The following ADCY9 variants were observed in gnomAD, a reference collection of about 807,000 sequenced individuals.
ADCY9 encodes adenylate cyclase 9.
In ADCY9, 50 loss-of-function variants were observed where a neutral mutation model predicts 101.5. The ratio of observed to expected loss-of-function variants is 0.49; its 90% CI spans 0.39 to 0.62. The LOEUF (loss-of-function observed/expected upper bound fraction) is 0.62. Among genes scored for constraint, ADCY9 ranks in the 20% least tolerant of loss-of-function variants. The probability of loss-of-function intolerance (pLI) is 0.00; values close to 1 mark genes in which losing one functional copy is unlikely to be tolerated. For missense variants in ADCY9, 1,662 were observed against 1,800.4 expected (o/e 0.92, Z 1.39); for synonymous variants, 905 against 769.3 (o/e 1.18, Z -2.92).
chr16:3,965,566 G>A lies in ADCY9; in HGVS notation c.*209C>T. 1.7e-6 allele frequency: 1 copy of A among 603,004 alleles called. No individual in the cohort carries two copies. Among genetic ancestry groups the A allele is most frequent in the South Asian group, 2.1e-5 (1 of 47,910 alleles). The allele number at this position is 603,004 out of a possible 1,614,324, so 37.4% of individuals were successfully genotyped here. A position where few individuals can be genotyped will look rare whatever the true frequency, so the allele number is the denominator to read the frequency against. Reference sequence around the variant, plus strand: ...GTGCTGAACGGATGACCCAGAGGCAGCGGGGTTTCCAGGGAAGGGAGCGAA... The same window carrying A: ...GTGCTGAACGGATGACCCAGAGGCAACGGGGTTTCCAGGGAAGGGAGCGAA... On this transcript the variant is annotated 3_prime_UTR_variant, in exon 11 of 11. Transcript: ENST00000294016.
intron 3 of ADCY9, among the ~76,000 whole-genome samples, chr16:3,999,886 C>T (rs983051719): frequency 2.0e-5 from 3 of 152,184 alleles, no homozygotes; most frequent in African/African-American, 7.2e-5. Context: ...GCTATAAAAT[C>T]GTTTTTTCTT....
chr16:3,971,229 G>A (rs570548641), intron 10 of ADCY9, among the ~76,000 whole-genome samples: 1 of 152,192 alleles, frequency 6.6e-6, no homozygotes, highest in East Asian at 1.9e-4. Context: ...CACTGCTGGA[G>A]GAATTAAGCC....
At chr16:4,046,536 G>A (rs2056666173) in intron 2 of ADCY9, among the ~76,000 whole-genome samples, 1 of 152,182 alleles carries the variant, frequency 6.6e-6, no homozygotes, top group Non-Finnish European at 1.5e-5. Context: ...AGCAGGCTGG[G>A]AGTAGCTTAG....
At position 4,049,684 on chromosome 16, in the gene ADCY9, C is replaced by T. The variant is rs1474722723; in HGVS notation, c.1694-42126G>A. On this transcript the variant is annotated intron_variant, in intron 2 of 10. Transcript: ENST00000294016. The stretch of plus-strand genomic sequence containing the variant: ...CCATCCCTTCCGCATCCTTCATGTC[C>T]ACCGTCCCTTTACCAACAACCAGCT... Among the ~76,000 whole-genome samples the T allele has an allele frequency of 3.3e-5, 5 of 152,142 alleles. No homozygotes were observed. The East Asian group carries it at 9.6e-4, about 29-fold the overall frequency.
chr16:4,032,014 T>C (rs1235491874), intron 2 of ADCY9: 2 of 150,194 alleles, frequency 1.3e-5, no homozygotes, highest in Admixed American at 6.7e-5. Context: ...AACCAAAAAG[T>C]CCGGGCGCAG....
intron 2 of ADCY9, among the ~76,000 whole-genome samples, chr16:4,037,625 T>A (rs1469217209): frequency 6.6e-6 from 1 of 152,226 alleles, no homozygotes; most frequent in African/African-American, 2.4e-5. Flanking sequence ...CCCCACTTCT[T>A]AATATTATTC....
chr16:4,041,891 T>A (rs1300809377), intron 2 of ADCY9, among the ~76,000 whole-genome samples: 1 of 148,958 alleles, frequency 6.7e-6, no homozygotes, highest in Non-Finnish European at 1.5e-5. Context: ...AGCTGGGACC[T>A]CAGGGATGTG....
intron 2 of ADCY9, among the ~76,000 whole-genome samples, chr16:4,097,548 T>C (rs1033794827): frequency 5.6e-5 from 3 of 53,530 alleles, no homozygotes; most frequent in African/African-American, 2.5e-4. Flanking sequence ...TATATATATA[T>C]ATATATTTTT....
chr16:4,014,422 T>C (rs546648045), intron 2 of ADCY9, among the ~76,000 whole-genome samples: 12 of 152,130 alleles, frequency 7.9e-5, no homozygotes, highest in African/African-American at 2.6e-4. Flanking sequence ...CCTGTTTAAT[T>C]TGATCTTCTG....
At chr16:4,001,316 G>T (rs2056329097) in intron 3 of ADCY9, among the ~76,000 whole-genome samples, 1 of 152,176 alleles carries the variant, frequency 6.6e-6, no homozygotes, top group Non-Finnish European at 1.5e-5. Flanking sequence ...TGCTGCGTTT[G>T]AAGTCCCGGC....
At chr16:4,048,056 C>G (rs1241659381) in intron 2 of ADCY9, among the ~76,000 whole-genome samples, 1 of 151,730 alleles carries the variant, frequency 6.6e-6, no homozygotes, top group South Asian at 2.1e-4. Context: ...CTGTGCTCAC[C>G]CTGAACAAAA....
chr16:4,026,645 G>A (rs990634155), intron 2 of ADCY9, among the ~76,000 whole-genome samples: 2 of 152,022 alleles, frequency 1.3e-5, no homozygotes, highest in Admixed American at 6.6e-5. Flanking sequence ...CCCCACAATG[G>A]GGCACTACTC....
chr16:4,100,578 G>A lies in ADCY9; in HGVS notation c.1693+13172C>T, dbSNP rs1180487740. 4.6e-5 allele frequency among the ~76,000 whole-genome samples: 7 copies of A among 152,052 alleles called. No individual in the cohort carries two copies. In the East Asian group the frequency reaches 9.6e-4, roughly 21 times the overall value. On this transcript the variant is annotated intron_variant, in intron 2 of 10. Coordinates refer to ENST00000294016, the MANE Select transcript of ADCY9 (RefSeq NM_001116.4). ...ACTCCTGAGCTCAAGTGATCCGCCC[G>A]CCTCAGCCTCCGAAAGTGCTGGGAT...
intron 2 of ADCY9, among the ~76,000 whole-genome samples, chr16:4,072,695 A>G (rs181850184): frequency 1.2e-4 from 18 of 152,368 alleles, no homozygotes; most frequent in Admixed American, 1.1e-3. Context: ...TTTTTTAAAC[A>G]TAATAAAAGA....
At chr16:3,969,678 G>A (rs2056034609) in intron 10 of ADCY9, among the ~76,000 whole-genome samples, 2 of 139,156 alleles carry the variant, frequency 1.4e-5, no homozygotes, top group South Asian at 2.3e-4. Flanking sequence ...GCAGTGGTGC[G>A]ATCCTAGCTC....
At position 4,113,822 on chromosome 16, in the gene ADCY9, C is replaced by T. The variant is rs148530006; in HGVS notation, c.1621G>A (p.Asp541Asn). The T allele has an allele frequency of 3.0e-5, 49 of 1,614,058 alleles. No homozygotes were observed. The highest frequency in any genetic ancestry group is 4.2e-5 in the Non-Finnish European group (49 of 1,180,040). ...ISEATAKYLDDRYEMEDGKVI... is the reference protein window; with the variant it reads ...ISEATAKYLDNRYEMEDGKVI... The stretch of plus-strand genomic sequence containing the variant: ...TTCCCATCTTCCATTTCGTACCGGT[C>T]ATCTAAGTATTTTGCGGTGGCCTCA... Residue 541 changes from aspartate to asparagine, a missense_variant, in exon 2 of 11, where the codon GAC becomes AAC. Physicochemically the swap from Asp to Asn is conservative, Grantham distance 23. Coordinates refer to ENST00000294016, the MANE Select transcript of ADCY9 (RefSeq NM_001116.4).
chr16:4,063,279 A>G (rs2056782745), intron 2 of ADCY9, among the ~76,000 whole-genome samples: 1 of 152,222 alleles, frequency 6.6e-6, no homozygotes, highest in Non-Finnish European at 1.5e-5. Context: ...GGGAAGTTTA[A>G]AAATACTTCA....
intron 3 of ADCY9, among the ~76,000 whole-genome samples, chr16:3,994,596 C>T (rs990583028): frequency 6.6e-6 from 1 of 152,186 alleles, no homozygotes. Flanking sequence ...GCTGCGATTA[C>T]AGGTGCCTGC....
At chr16:3,953,710 G>T (rs1039876668) in intron 5 of ADCY9, among the ~76,000 whole-genome samples, 3 of 152,234 alleles carry the variant, frequency 2.0e-5, no homozygotes, top group Non-Finnish European at 4.4e-5. Context: ...CAGGTAGGAA[G>T]CTTCAGCCAG....
Sources: allele counts gnomAD v4.1 joint callset (sites outside exome capture counted in the v4.1 genomes callset), GRCh38; gene constraint gnomAD v4.1.1; transcripts MANE v1.5; gene names NCBI Gene and HGNC (gene_info 2026-07-23, HGNC 2026-07-21).